The following DLGAP2 variants were observed in gnomAD, a reference collection of about 807,000 sequenced individuals.
DLGAP2 encodes the protein disks large-associated protein 2.
A neutral mutation model predicts 100.3 loss-of-function variants in DLGAP2; 26 were observed. The ratio of observed to expected loss-of-function variants is 0.26; its 90% CI spans 0.19 to 0.36. DLGAP2 has a LOEUF of 0.36. Among genes scored for constraint, DLGAP2 ranks in the 10% least tolerant of loss-of-function variants. The pLI, the probability that DLGAP2 is intolerant of heterozygous loss-of-function variation, is 1.00. For synonymous variants in DLGAP2, 886 were observed against 630.1 expected (o/e 1.41, Z -6.08); for missense variants, 1,858 against 1,453.2 (o/e 1.28, Z -4.53).
intron 6 of DLGAP2, among the ~76,000 whole-genome samples, chr8:1,614,595 C>G (rs1797088583): frequency 6.6e-6 from 1 of 152,234 alleles, no homozygotes; most frequent in African/African-American, 2.4e-5. Context: ...GGAAAGGAGA[C>G]CTCCCAGGCG....
At chr8:969,736 G>A (rs1799968310) in intron 2 of DLGAP2, among the ~76,000 whole-genome samples, 2 of 152,132 alleles carry the variant, frequency 1.3e-5, no homozygotes, top group African/African-American at 4.8e-5. Flanking sequence ...TGTCATAAGG[G>A]TGGCTTGGAG....
At chr8:1,304,629 A>T (rs939410000) in intron 3 of DLGAP2, among the ~76,000 whole-genome samples, 1 of 152,206 alleles carries the variant, frequency 6.6e-6, no homozygotes, top group African/African-American at 2.4e-5. Context: ...AATTAAATTT[A>T]TATGGCTACA....
rs78780956 is a variant in DLGAP2, at chr8:1,057,211, C to G, written c.73+149245C>G. On this transcript the variant is annotated intron_variant, in intron 2 of 14. Coordinates refer to ENST00000637795, the MANE Select transcript of DLGAP2 (RefSeq NM_001346810.2). ...CTTGAGATATGCATCGGTTACTACACGTAGAAGTTAGCTGCCTGTATTAAC... is the reference window on the plus strand; with the variant it reads ...CTTGAGATATGCATCGGTTACTACAGGTAGAAGTTAGCTGCCTGTATTAAC... Among the ~76,000 whole-genome samples the G allele has an allele frequency of 8.5e-3, 1,299 of 152,282 alleles. 8 individuals are homozygous for G. Among genetic ancestry groups the G allele is most frequent in the Non-Finnish European group, 0.012 (812 of 68,036 alleles).
chr8:1,003,811 C>G (rs1159893030), intron 2 of DLGAP2, among the ~76,000 whole-genome samples: 7 of 152,094 alleles, frequency 4.6e-5, no homozygotes, highest in Non-Finnish European at 1.0e-4. Flanking sequence ...GGTGGCTCGG[C>G]CCTAAGTGGG....
At chr8:1,171,093 G>A (rs1234800712) in intron 2 of DLGAP2, among the ~76,000 whole-genome samples, 16 of 151,906 alleles carry the variant, frequency 1.1e-4, no homozygotes, top group Admixed American at 6.6e-4. Flanking sequence ...CTTTGTTCTC[G>A]TTGGTTTCAA....
intron 3 of DLGAP2, among the ~76,000 whole-genome samples, chr8:1,447,991 G>A (rs976841642): frequency 6.6e-6 from 1 of 151,758 alleles, no homozygotes; most frequent in African/African-American, 2.4e-5. Flanking sequence ...TTCTTTATTA[G>A]TCTTGCTAGC....
intron 2 of DLGAP2, among the ~76,000 whole-genome samples, chr8:1,144,564 C>T (rs569376111): frequency 1.2e-4 from 18 of 152,362 alleles, no homozygotes; most frequent in African/African-American, 3.8e-4. Context: ...CCAGAAGCTA[C>T]AGGAAATAAA....
chr8:1,489,476 C>T (rs1799316633), intron 3 of DLGAP2, among the ~76,000 whole-genome samples: 1 of 152,206 alleles, frequency 6.6e-6, no homozygotes, highest in South Asian at 2.1e-4. Context: ...AGCTGTACGT[C>T]TTTACCACCA....
chr8:910,183 G>A (rs909974974), intron 2 of DLGAP2, among the ~76,000 whole-genome samples: 1 of 152,170 alleles, frequency 6.6e-6, no homozygotes, highest in Admixed American at 6.5e-5. Flanking sequence ...TCTGCATTAC[G>A]GGTGCTTGAC....
intron 5 of DLGAP2, among the ~76,000 whole-genome samples, chr8:1,550,108 G>T (rs1801709994): frequency 6.6e-6 from 1 of 152,130 alleles, no homozygotes; most frequent in African/African-American, 2.4e-5. Flanking sequence ...CCCGTGAGAG[G>T]GACCATGTGG....
At chr8:1,317,776 C>G (rs868154937) in intron 3 of DLGAP2, among the ~76,000 whole-genome samples, 1 of 104,542 alleles carries the variant, frequency 9.6e-6, no homozygotes, top group Non-Finnish European at 1.9e-5. Flanking sequence ...GGTCTACACT[C>G]GAGACACTCG....
chr8:873,801 A>T (rs1162194620), intron 1 of DLGAP2, among the ~76,000 whole-genome samples: 1 of 152,146 alleles, frequency 6.6e-6, no homozygotes, highest in Non-Finnish European at 1.5e-5. Context: ...TGGCTTAGTT[A>T]AGGTTTGTTT....
At chr8:1,467,937 G>C (rs115143243) in intron 3 of DLGAP2, among the ~76,000 whole-genome samples, 1 of 152,202 alleles carries the variant, frequency 6.6e-6, no homozygotes, top group East Asian at 1.9e-4. Context: ...AAATAAATAC[G>C]TTCTGAGGCT....
chr8:1,088,623 G>A (rs758314369), intron 2 of DLGAP2, among the ~76,000 whole-genome samples: 14 of 152,064 alleles, frequency 9.2e-5, no homozygotes, highest in Non-Finnish European at 1.6e-4. Flanking sequence ...GCAGAAGAAC[G>A]TTACTTGCTC....
At chr8:1,593,558 T>A in intron 6 of DLGAP2, among the ~76,000 whole-genome samples, 1 of 152,182 alleles carries the variant, frequency 6.6e-6, no homozygotes, top group Non-Finnish European at 1.5e-5. Context: ...TTACCAAAGA[T>A]GCTCGGGAGA....
At chr8:1,528,202 T>G (rs1349963503) in intron 4 of DLGAP2, among the ~76,000 whole-genome samples, 1 of 152,190 alleles carries the variant, frequency 6.6e-6, no homozygotes, top group Non-Finnish European at 1.5e-5. Context: ...CTGGAACAGC[T>G]GCCCCGAGGC....
intron 2 of DLGAP2, among the ~76,000 whole-genome samples, chr8:1,124,641 A>G (rs1433042664): frequency 1.3e-5 from 2 of 152,254 alleles, no homozygotes; most frequent in Non-Finnish European, 2.9e-5. Flanking sequence ...AGCTGAAAAC[A>G]GGAAACCTGC....
At chr8:1,339,626 C>T (rs530297029) in intron 3 of DLGAP2, among the ~76,000 whole-genome samples, 7 of 152,368 alleles carry the variant, frequency 4.6e-5, no homozygotes, top group African/African-American at 1.7e-4. Flanking sequence ...AGGAGCTTCA[C>T]ATGGGTTATC....
At chr8:880,673 G>T (rs148736633) in intron 1 of DLGAP2, among the ~76,000 whole-genome samples, 2,402 of 148,278 alleles carry the variant, frequency 0.016, 34 homozygotes, top group African/African-American at 0.056. Flanking sequence ...TAGGTGGGTC[G>T]GGGTGACCGT....
Sources: gnomAD v4.1 joint callset for allele counts (sites outside exome capture counted in the v4.1 genomes callset) on GRCh38, gnomAD v4.1.1 for gene constraint, MANE v1.5 for transcripts, NCBI Gene and HGNC (gene_info 2026-07-23, HGNC 2026-07-21) for gene names.